Variants in AMACR observed in about 807,000 individuals in gnomAD.
The protein encoded by AMACR is alpha-methylacyl-CoA racemase.
AMACR carries 18 observed loss-of-function variants against 22.2 expected under a neutral mutation model. The observed-to-expected ratio is 0.81, with a 90% CI of 0.56 to 1.20. The LOEUF (loss-of-function observed/expected upper bound fraction) is 1.20, where lower values mean the gene tolerates loss of function less well. Among genes scored for constraint, AMACR ranks in the 50% most tolerant of loss-of-function variants. The probability of loss-of-function intolerance (pLI) is 0.00; values close to 1 mark genes in which losing one functional copy is unlikely to be tolerated. For synonymous variants in AMACR, 213 were observed against 191.3 expected (o/e 1.11, Z -0.94); for missense variants, 499 against 490.6 (o/e 1.02, Z -0.16).
intron 3 of AMACR, 89 bp from the exon 4 acceptor site, chr5:33,998,916 C>T (rs538543287): frequency 4.7e-6 from 6 of 1,278,764 alleles, no homozygotes; most frequent in Admixed American, 1.9e-5. Flanking sequence ...AAAAAATTTG[C>T]GTAAAAATTC....
At position 33,988,629 on chromosome 5, in the gene AMACR, T is replaced by C. The variant is rs1579569306; in HGVS notation, c.*464A>G. ...TTGGAATGTGCTTAGAGGGAGATCATGAACACCAAGACAAAAGGCCTGGAT... is the reference window on the plus strand; with the variant it reads ...TTGGAATGTGCTTAGAGGGAGATCACGAACACCAAGACAAAAGGCCTGGAT... On this transcript the variant is annotated 3_prime_UTR_variant, in exon 5 of 5. Coordinates refer to ENST00000335606, the MANE Select transcript of AMACR (RefSeq NM_014324.6). 1.6e-6 allele frequency: 2 copies of C among 1,275,976 alleles called. No homozygotes were observed. Among genetic ancestry groups the C allele is most frequent in the East Asian group, 3.4e-5 (1 of 29,138 alleles). 79.0% of individuals were successfully genotyped at this position (1,275,976 alleles called of 1,614,324 possible). A position where few individuals can be genotyped will look rare whatever the true frequency, so the allele number is the denominator to read the frequency against.
rs2112032937 is a variant in AMACR, at chr5:33,989,393, C to T, written c.849G>A (p.Trp283Ter). Reference protein sequence around the residue: ...DVFAEKTKAEWCQIFDGTDAC... With the variant: ...DVFAEKTKAE ...CATCTGTGCCGTCAAAGATTTGACA[C>T]CACTCTGCCTTCGTCTTCTCTGCAA... is the stretch of plus-strand genomic sequence containing the variant. The change falls in exon 5 of 5, where the codon TGG becomes TGA. Residue 283 changes from tryptophan to a stop codon, truncating the protein, a stop_gained. Transcript: ENST00000335606. LOFTEE classifies it low-confidence loss of function (END_TRUNC). The T allele has an allele frequency of 6.2e-7, 1 of 1,614,206 alleles. No individual in the cohort carries two copies. The highest frequency in any genetic ancestry group is 1.3e-5 in the African/African-American group (1 of 75,054).
At chr5:33,994,191 T>C (rs1251215732) in intron 4 of AMACR, 2 of 388,646 alleles carry the variant, frequency 5.1e-6, no homozygotes, top group East Asian at 1.5e-4. Context: ...ATTATTGTTG[T>C]TGTTTTGAGA....
At chr5:34,001,297 C>T (rs796790705) in intron 3 of AMACR, among the ~76,000 whole-genome samples, 24 of 152,316 alleles carry the variant, frequency 1.6e-4, no homozygotes, top group African/African-American at 5.3e-4. Context: ...AGGTTCAGAG[C>T]GACTAGTGTA....
At chr5:34,003,139 C>A (rs935718623) in intron 3 of AMACR, among the ~76,000 whole-genome samples, 2 of 152,218 alleles carry the variant, frequency 1.3e-5, no homozygotes. Context: ...CCTTAGCTGT[C>A]CTCAGCCCTT....
Position 33,988,046 on chromosome 5 carries a change from A to C in AMACR, c.*1047T>G. On this transcript the variant is annotated 3_prime_UTR_variant, in exon 5 of 5. Transcript: ENST00000335606. ...GCGATTGTTGAACGGCAGTTGAGAT[A>C]CTGCGCAGAATGGACCTTATTGATG... The C allele has an allele frequency of 3.4e-6, 1 of 292,228 alleles. No homozygotes were observed. Among genetic ancestry groups the C allele is most frequent in the Non-Finnish European group, 6.3e-6 (1 of 158,692 alleles). 18.1% of individuals were successfully genotyped at this position (292,228 alleles called of 1,614,324 possible). A position where few individuals can be genotyped will look rare whatever the true frequency, so the allele number is the denominator to read the frequency against.
chr5:33,991,225 C>G (rs372826252), intron 4 of AMACR, among the ~76,000 whole-genome samples: 10 of 152,252 alleles, frequency 6.6e-5, no homozygotes, highest in African/African-American at 9.6e-5. Flanking sequence ...AGATCCTACC[C>G]TAACTCTAAC....
At chr5:34,006,534 T>C (rs1489931570) in intron 1 of AMACR, among the ~76,000 whole-genome samples, 1 of 152,168 alleles carries the variant, frequency 6.6e-6, no homozygotes, top group Non-Finnish European at 1.5e-5. Flanking sequence ...TTTACCTTCC[T>C]AAGGCTAAAA....
At chr5:34,002,827 T>C (rs572800905) in intron 3 of AMACR, among the ~76,000 whole-genome samples, 140 of 152,288 alleles carry the variant, frequency 9.2e-4, no homozygotes, top group African/African-American at 3.2e-3. Context: ...ACTCCCCTGC[T>C]GCTGGTACAC....
chr5:34,001,761 T>A (rs1050447253), intron 3 of AMACR, among the ~76,000 whole-genome samples: 1 of 152,140 alleles, frequency 6.6e-6, no homozygotes, highest in Non-Finnish European at 1.5e-5. Flanking sequence ...GGTCTGGAAT[T>A]CTGCTGCTAA....
intron 1 of AMACR, 71 bp downstream of exon 1, chr5:34,007,702 C>G (rs968928705): frequency 1.4e-6 from 2 of 1,466,264 alleles, no homozygotes; most frequent in African/African-American, 1.4e-5. Flanking sequence ...CGGGTGCAGC[C>G]TCGATCGAAC....
chr5:34,006,803 C>G (rs1477400981), intron 1 of AMACR, among the ~76,000 whole-genome samples: 2 of 152,242 alleles, frequency 1.3e-5, no homozygotes, highest in African/African-American at 4.8e-5. Flanking sequence ...GGCATTCATT[C>G]ATTCACCATT....
intron 4 of AMACR, among the ~76,000 whole-genome samples, chr5:33,995,008 C>G (rs997751342): frequency 4.6e-5 from 7 of 152,182 alleles, no homozygotes; most frequent in Non-Finnish European, 7.3e-5. Context: ...CACAGTCAAC[C>G]ATGGTCTGAA....
intron 3 of AMACR, among the ~76,000 whole-genome samples, chr5:34,003,084 A>G (rs1226116771): frequency 6.6e-6 from 1 of 151,332 alleles, no homozygotes; most frequent in Non-Finnish European, 1.5e-5. Context: ...CCCTCTGACC[A>G]CTCCTTTCTT....
At chr5:33,998,429 T>C (rs1419155046) in intron 4 of AMACR, among the ~76,000 whole-genome samples, 1 of 152,164 alleles carries the variant, frequency 6.6e-6, no homozygotes, top group Non-Finnish European at 1.5e-5. Context: ...TTATTATTTT[T>C]AAAACCCTCA....
At chr5:33,998,349 A>T (rs1001009756) in intron 4 of AMACR, among the ~76,000 whole-genome samples, 1 of 152,166 alleles carries the variant, frequency 6.6e-6, no homozygotes, top group African/African-American at 2.4e-5. Context: ...AGATCTGGGC[A>T]CACAGGGTCA....
At chr5:33,998,081 AT>A (rs1342701502) in intron 4 of AMACR, among the ~76,000 whole-genome samples, 2 of 152,242 alleles carry the variant, frequency 1.3e-5, no homozygotes. Flanking sequence ...CAATTATTTA[AT>A]TAGGGAAGAA....
Position 34,004,624 on chromosome 5 carries a change from G to T in AMACR, c.502C>A (p.Leu168Ile), listed in dbSNP as rs1579584300. The change falls in exon 3 of 5, where the codon CTT becomes ATT. Residue 168 changes from leucine to isoleucine, a missense_variant. Coordinates refer to ENST00000335606, the MANE Select transcript of AMACR (RefSeq NM_014324.6). ...TTGCCAGTGCGTGTGCGGTCAAAAA[G>T]AGCCATTATAATGCCCAGTGCACAC... ...LMCALGIIMA[L>I]FDRTRTGKGQ... 2 of 1,614,140 alleles carry T rather than the reference G, an allele frequency of 1.2e-6. No individual in the cohort carries two copies. The highest frequency in any genetic ancestry group is 1.7e-6 in the Non-Finnish European group (2 of 1,180,034).
intron 4 of AMACR, among the ~76,000 whole-genome samples, chr5:33,995,007 C>A (rs148458621): frequency 2.7e-4 from 41 of 152,344 alleles, no homozygotes; most frequent in African/African-American, 9.9e-4. Context: ...CCACAGTCAA[C>A]CATGGTCTGA....
Sources: allele counts gnomAD v4.1 joint callset (sites outside exome capture counted in the v4.1 genomes callset), GRCh38; gene constraint gnomAD v4.1.1; transcripts MANE v1.5; gene names NCBI Gene and HGNC (gene_info 2026-07-23, HGNC 2026-07-21).